The following FXYD6 variants were observed in gnomAD, a reference collection of about 807,000 sequenced individuals.
FXYD6 encodes the protein FXYD domain containing ion transport regulator 6.
FXYD6 carries 7 observed loss-of-function variants against 16.7 expected under a neutral mutation model. That is an observed-to-expected ratio of 0.42 (90% CI 0.24 to 0.79). The LOEUF (loss-of-function observed/expected upper bound fraction) is 0.79. Ranked by LOEUF, FXYD6 falls within the 30% of genes least tolerant of loss-of-function variation. The pLI, the probability that FXYD6 is intolerant of heterozygous loss-of-function variation, is 0.28. For synonymous variants in FXYD6, 49 were observed against 43.0 expected, an observed-to-expected ratio of 1.14 and a Z score of -0.54; for missense variants, 111 against 116.2, an observed-to-expected ratio of 0.95 and a Z score of 0.21.
intron 7 of FXYD6, chr11:117,838,821 A>G (rs899722940): frequency 6.1e-6 from 1 of 163,136 alleles, no homozygotes; most frequent in African/African-American, 2.4e-5. Context: ...CACTTAGGAA[A>G]GAATTTAAAT....
chr11:117,876,193 C>A (rs2057260363), intron 1 of FXYD6, among the ~76,000 whole-genome samples: 1 of 152,178 alleles, frequency 6.6e-6, no homozygotes, highest in African/African-American at 2.4e-5. Flanking sequence ...TCCGTAATTC[C>A]CCACGCTCCA....
At chr11:117,867,592 A>G (rs992075501) in intron 1 of FXYD6, among the ~76,000 whole-genome samples, 1 of 152,116 alleles carries the variant, frequency 6.6e-6, no homozygotes, top group African/African-American at 2.4e-5. Context: ...TCTACGTCCT[A>G]TTTAGTTTTT....
chr11:117,858,065 G>A (rs746428809), intron 1 of FXYD6: 1 of 152,258 alleles, frequency 6.6e-6, no homozygotes, highest in African/African-American at 2.4e-5. Context: ...TCCCAGAGAG[G>A]CCTCAGTACT....
At chr11:117,852,135 A>G (rs1165288780) in intron 1 of FXYD6, among the ~76,000 whole-genome samples, 2 of 152,240 alleles carry the variant, frequency 1.3e-5, no homozygotes, top group African/African-American at 4.8e-5. Context: ...TACCACAAGG[A>G]GATGAATACT....
Position 117,873,877 on chromosome 11 carries a change from G to A in FXYD6, c.-6+2715C>T, listed in dbSNP as rs114050703. 6.5e-3 allele frequency among the ~76,000 whole-genome samples: 986 copies of A among 152,224 alleles called. 11 individuals are homozygous for A. The highest frequency in any genetic ancestry group is 0.022 in the African/African-American group (896 of 41,526). The stretch of plus-strand genomic sequence containing the variant: ...GAAAACATAGTGAAGCAGGCTCCTC[G>A]GTTGTACCCGCCCACTAAGGGACCC... On this transcript the variant is annotated intron_variant, in intron 1 of 7. Transcript: ENST00000526014.
At position 117,837,831 on chromosome 11, in the gene FXYD6, A is replaced by G. The variant is rs753876962; in HGVS notation, c.*468T>C. On this transcript the variant is annotated 3_prime_UTR_variant, in exon 8 of 8. Coordinates refer to ENST00000526014, the MANE Select transcript of FXYD6 (RefSeq NM_022003.4). This position sits in a 1 kb window ranked among gnomAD's most constrained non-coding sequence, Gnocchi z 4.4. Reference sequence around the variant, plus strand: ...AGACCACTGCCCGTGCTCTTACCCTACGCATCCCTAAATCAGGGGAGGGGG... The same window carrying G: ...AGACCACTGCCCGTGCTCTTACCCTGCGCATCCCTAAATCAGGGGAGGGGG... 7.5e-6 allele frequency: 2 copies of G among 265,372 alleles called. No individual in the cohort carries two copies. Among genetic ancestry groups the G allele is most frequent in the Non-Finnish European group, 7.4e-6 (1 of 135,154 alleles). 16.4% of individuals were successfully genotyped at this position (265,372 alleles called of 1,614,324 possible).
chr11:117,853,650 C>T (rs2056657816), intron 1 of FXYD6, among the ~76,000 whole-genome samples: 1 of 152,228 alleles, frequency 6.6e-6, no homozygotes, highest in African/African-American at 2.4e-5. Context: ...CACCACCATG[C>T]CCAGCTAATT....
chr11:117,848,589 T>G (rs561051997), intron 1 of FXYD6, among the ~76,000 whole-genome samples: 1 of 152,184 alleles, frequency 6.6e-6, no homozygotes, highest in Admixed American at 6.5e-5. Flanking sequence ...CTGGAAGAGT[T>G]TGCAGAAGAT....
Position 117,841,880 on chromosome 11 carries a change from A to G in FXYD6, c.98-15T>C. ...GGTCTGGTAATCTGCCAAAGGAACCAAGGGTGAGAGAGGAAGGGGCCAGGG... is the reference window on the plus strand; with the variant it reads ...GGTCTGGTAATCTGCCAAAGGAACCGAGGGTGAGAGAGGAAGGGGCCAGGG... On this transcript the variant is annotated splice_polypyrimidine_tract_variant and intron_variant, in intron 3 of 7. Transcript: ENST00000526014. 1 of 1,614,048 alleles carries G rather than the reference A, an allele frequency of 6.2e-7. No homozygotes were observed. The highest frequency in any genetic ancestry group is 1.3e-5 in the African/African-American group (1 of 75,006).
At chr11:117,857,915 C>T (rs2073420388) in intron 1 of FXYD6, among the ~76,000 whole-genome samples, 1 of 152,142 alleles carries the variant, frequency 6.6e-6, no homozygotes, top group African/African-American at 2.4e-5. Flanking sequence ...GTTCTCTATT[C>T]TCCATGCTCA....
chr11:117,846,648 C>A (rs112383983), intron 1 of FXYD6, among the ~76,000 whole-genome samples: 16 of 152,316 alleles, frequency 1.1e-4, no homozygotes, highest in Non-Finnish European at 1.9e-4. Context: ...TCATGATGGG[C>A]TATGCCACCT....
intron 1 of FXYD6, among the ~76,000 whole-genome samples, chr11:117,862,320 C>T (rs1345170948): frequency 1.3e-5 from 2 of 152,208 alleles, no homozygotes; most frequent in Non-Finnish European, 1.5e-5. Flanking sequence ...TCTGAGGCCT[C>T]GGCTGCCCTG....
Position 117,838,226 on chromosome 11 carries a change from A to G in FXYD6, c.*73T>C, listed in dbSNP as rs1278778780. On this transcript the variant is annotated 3_prime_UTR_variant, in exon 8 of 8. Coordinates refer to ENST00000526014, the MANE Select transcript of FXYD6 (RefSeq NM_022003.4). ...GTTGCTGAAGTGGCCGGTTTTCTTAAGCATCGACATTTGCATCCAAAGGTT... is the reference window on the plus strand; with the variant it reads ...GTTGCTGAAGTGGCCGGTTTTCTTAGGCATCGACATTTGCATCCAAAGGTT... 1.4e-6 allele frequency: 1 copy of G among 702,570 alleles called. No individual in the cohort carries two copies. The highest frequency in any genetic ancestry group is 2.6e-6 in the Non-Finnish European group (1 of 384,996). 43.5% of individuals were successfully genotyped at this position (702,570 alleles called of 1,614,324 possible). A position where few individuals can be genotyped will look rare whatever the true frequency, so the allele number is the denominator to read the frequency against.
chr11:117,861,649 T>G (rs981409502), intron 1 of FXYD6, among the ~76,000 whole-genome samples: 16 of 152,256 alleles, frequency 1.1e-4, no homozygotes, highest in Non-Finnish European at 2.1e-4. Context: ...GTCCTTGGCT[T>G]CCTCCTTCAT....
intron 1 of FXYD6, among the ~76,000 whole-genome samples, chr11:117,871,364 C>T (rs1279329047): frequency 4.6e-5 from 7 of 151,690 alleles, no homozygotes; most frequent in African/African-American, 1.2e-4. Context: ...ACAGCACACA[C>T]GCTGTTCACT....
At chr11:117,838,402 A>G in intron 7 of FXYD6, 125 bp from the exon 8 acceptor site, 1 of 676,578 alleles carries the variant, frequency 1.5e-6, no homozygotes. Context: ...TCTGAGACGC[A>G]GAGAAAGGAG....
intron 1 of FXYD6, among the ~76,000 whole-genome samples, chr11:117,849,663 G>A (rs1303620999): frequency 3.3e-5 from 5 of 151,824 alleles, no homozygotes. Context: ...GATCAGGTCT[G>A]CCTGCACTGC....
intron 1 of FXYD6, among the ~76,000 whole-genome samples, chr11:117,858,715 CCTTCCTTCCCTTCCTTCCTTCCTTCCT>C: frequency 1.0e-5 from 1 of 99,472 alleles, no homozygotes; most frequent in South Asian, 4.2e-4. Flanking sequence ...CTCTCTCTCT[CCTTCCTTCCCTTCCTTCCTTCCTTCCT>C]TCCTTCCTTC....
chr11:117,844,459 G>A (rs906753106), intron 1 of FXYD6, among the ~76,000 whole-genome samples: 5 of 151,896 alleles, frequency 3.3e-5, no homozygotes, highest in Non-Finnish European at 7.4e-5. Context: ...CCCAGAGGTG[G>A]CCAGTATCCC....
Sources: gnomAD v4.1 joint callset for allele counts (sites outside exome capture counted in the v4.1 genomes callset) on GRCh38, gnomAD v4.1.1 for gene constraint, Gnocchi (gnomAD v3.1) non-coding constraint, MANE v1.5 for transcripts, NCBI Gene and HGNC (gene_info 2026-07-23, HGNC 2026-07-21) for gene names.